GMDS: variants seen among roughly 807,000 people sequenced by gnomAD.
GMDS encodes GDP-mannose 4,6-dehydratase, also known as GDP-mannose 4,6 dehydratase.
Under a neutral mutation model 49.9 loss-of-function variants are expected in GMDS, and 20 were observed. The observed-to-expected ratio is 0.40, with a 90% CI of 0.28 to 0.58. The LOEUF is 0.58. Among genes scored for constraint, GMDS ranks in the 20% least tolerant of loss-of-function variants. The pLI is 0.42. For synonymous variants in GMDS, 177 were observed against 178.6 expected (o/e 0.99, Z 0.07); for missense variants, 362 against 481.4 (o/e 0.75, Z 2.32).
At chr6:2,004,601 G>A (rs568104780) in intron 4 of GMDS, among the ~76,000 whole-genome samples, 11 of 152,238 alleles carry the variant, frequency 7.2e-5, no homozygotes, top group African/African-American at 2.6e-4. Context: ...CACATCCCCT[G>A]GGCTTGGCTC....
intron 8 of GMDS, among the ~76,000 whole-genome samples, chr6:1,738,793 G>A (rs1767148179): frequency 1.3e-5 from 2 of 151,904 alleles, no homozygotes; most frequent in Admixed American, 6.6e-5. Context: ...CAAATCAATC[G>A]CTCCTCTCCC....
intron 9 of GMDS, among the ~76,000 whole-genome samples, chr6:1,672,732 G>C (rs745808559): frequency 6.6e-6 from 1 of 152,202 alleles, no homozygotes; most frequent in Non-Finnish European, 1.5e-5. Flanking sequence ...AGGTTTGCCA[G>C]AGAATCTAAG....
intron 1 of GMDS, among the ~76,000 whole-genome samples, chr6:2,137,892 C>T (rs1183619672): frequency 6.6e-6 from 1 of 152,194 alleles, no homozygotes. Flanking sequence ...GTATGTGTCA[C>T]ACTTTTTGCC....
chr6:1,871,658 C>T (rs1758762349), intron 7 of GMDS, among the ~76,000 whole-genome samples: 1 of 152,144 alleles, frequency 6.6e-6, no homozygotes, highest in Non-Finnish European at 1.5e-5. Context: ...ATACTTGATA[C>T]TTGTTCCATG....
At chr6:1,631,492 T>C (rs529596075) in intron 9 of GMDS, among the ~76,000 whole-genome samples, 6 of 152,238 alleles carry the variant, frequency 3.9e-5, no homozygotes, top group Admixed American at 3.9e-4. Context: ...CTCTTAGAAA[T>C]GTCCCCCCCT....
intron 4 of GMDS, among the ~76,000 whole-genome samples, chr6:1,989,553 A>G (rs2504734): frequency 1.3e-5 from 2 of 152,246 alleles, no homozygotes; most frequent in African/African-American, 4.8e-5. Context: ...GCAGATTTGT[A>G]AGGAAAAATC....
At chr6:2,201,630 A>T (rs1396078751) in intron 1 of GMDS, among the ~76,000 whole-genome samples, 2 of 128,170 alleles carry the variant, frequency 1.6e-5, no homozygotes, top group African/African-American at 6.0e-5. Flanking sequence ...ATCCGAGATG[A>T]AACCATCTAG....
chr6:1,941,958 A>T (rs922723045), intron 6 of GMDS, among the ~76,000 whole-genome samples: 3 of 152,114 alleles, frequency 2.0e-5, no homozygotes, highest in African/African-American at 7.2e-5. Flanking sequence ...CACCTCTCCC[A>T]CTGTCTCTGC....
chr6:1,781,704 A>G (rs183670303), intron 7 of GMDS, among the ~76,000 whole-genome samples: 1 of 152,176 alleles, frequency 6.6e-6, no homozygotes, highest in East Asian at 1.9e-4. Context: ...TCTGAAATGA[A>G]CCCTGCTGGT....
At chr6:1,860,934 C>T (rs1758154210) in intron 7 of GMDS, among the ~76,000 whole-genome samples, 1 of 152,344 alleles carries the variant, frequency 6.6e-6, no homozygotes, top group Non-Finnish European at 1.5e-5. Context: ...TCTAGTCTTG[C>T]TCCACTAACT....
chr6:2,110,578 C>T (rs1482553252), intron 4 of GMDS, among the ~76,000 whole-genome samples: 1 of 152,146 alleles, frequency 6.6e-6, no homozygotes, highest in Admixed American at 6.5e-5. Flanking sequence ...TGAAGTCCCA[C>T]GTGGAGGAGT....
chr6:1,797,002 C>T (rs1394721467), intron 7 of GMDS, among the ~76,000 whole-genome samples: 3 of 152,178 alleles, frequency 2.0e-5, no homozygotes, highest in Non-Finnish European at 2.9e-5. Flanking sequence ...GCTGTGTGCT[C>T]AAGCAGGGAT....
At chr6:1,985,787 G>A (rs1286275399) in intron 4 of GMDS, among the ~76,000 whole-genome samples, 1 of 152,214 alleles carries the variant, frequency 6.6e-6, no homozygotes, top group Non-Finnish European at 1.5e-5. Context: ...AGCAAGAGAA[G>A]GGTGATTGGT....
chr6:2,207,694 A>G (rs980543894), intron 1 of GMDS, among the ~76,000 whole-genome samples: 1 of 151,936 alleles, frequency 6.6e-6, no homozygotes, highest in African/African-American at 2.4e-5. Context: ...TACTACCCCT[A>G]AGAGCAATTC....
chr6:1,694,580 G>A (rs1192333990), intron 9 of GMDS, among the ~76,000 whole-genome samples: 1 of 152,102 alleles, frequency 6.6e-6, no homozygotes, highest in African/African-American at 2.4e-5. Context: ...TTAATGGCAT[G>A]TCAAGCCCAT....
At chr6:1,877,252 T>C (rs1406861144) in intron 7 of GMDS, among the ~76,000 whole-genome samples, 1 of 152,080 alleles carries the variant, frequency 6.6e-6, no homozygotes, top group Non-Finnish European at 1.5e-5. Flanking sequence ...AAGGGAAGGA[T>C]TGAAGGTACA....
chr6:1,958,807 T>G (rs1052414440), intron 6 of GMDS, among the ~76,000 whole-genome samples: 3 of 152,186 alleles, frequency 2.0e-5, no homozygotes, highest in African/African-American at 7.2e-5. Context: ...AGACTAAAAA[T>G]CTAAATGATA....
At chr6:1,638,709 T>G (rs1439291562) in intron 9 of GMDS, among the ~76,000 whole-genome samples, 1 of 152,166 alleles carries the variant, frequency 6.6e-6, no homozygotes, top group Non-Finnish European at 1.5e-5. Context: ...TTCAGAGCAC[T>G]CTTTTCTATG....
chr6:2,100,535 A>G (rs1019037127), intron 4 of GMDS, among the ~76,000 whole-genome samples: 4 of 152,078 alleles, frequency 2.6e-5, no homozygotes, highest in Admixed American at 6.5e-5. Context: ...ACGTCACAAT[A>G]CAATGTAAAT....
Sources: gnomAD v4.1 joint callset for allele counts (sites outside exome capture counted in the v4.1 genomes callset) on GRCh38, gnomAD v4.1.1 for gene constraint, MANE v1.5 for transcripts, NCBI Gene and HGNC (gene_info 2026-07-23, HGNC 2026-07-21) for gene names.